TMEM178B: variants seen among roughly 807,000 people sequenced by gnomAD.
The protein encoded by TMEM178B is transmembrane protein 178B.
In TMEM178B, 5 loss-of-function variants were observed where a neutral mutation model predicts 31.0. The ratio of observed to expected loss-of-function variants is 0.16; its 90% CI spans 0.08 to 0.34. The LOEUF (loss-of-function observed/expected upper bound fraction) is 0.34. Among genes scored for constraint, TMEM178B ranks in the 10% least tolerant of loss-of-function variants. The pLI, the probability that TMEM178B is intolerant of heterozygous loss-of-function variation, is 1.00. For missense variants in TMEM178B, 275 were observed against 400.3 expected, an observed-to-expected ratio of 0.69 and a Z score of 2.67; for synonymous variants, 164 against 164.0, an observed-to-expected ratio of 1.00 and a Z score of 0.00.
At position 141,171,213 on chromosome 7, in the gene TMEM178B, G is replaced by A. The variant is rs1236999716; in HGVS notation, c.383-41378G>A. ...CATGCATGTAATTCCAGCACTTTGG[G>A]AGGCTGAGGACAGAGGATCCCTTGC... On this transcript the variant is annotated intron_variant, in intron 1 of 3. Coordinates refer to ENST00000565468, the MANE Select transcript of TMEM178B (RefSeq NM_001195278.2). The surrounding 1 kb of genome is among the most constrained non-coding windows in gnomAD (Gnocchi z 4.3). Among the ~76,000 whole-genome samples, 1 of 152,104 alleles carries A rather than the reference G, an allele frequency of 6.6e-6. No homozygotes were observed. Among genetic ancestry groups the A allele is most frequent in the Non-Finnish European group, 1.5e-5 (1 of 68,014 alleles).
At chr7:141,156,399 G>A (rs1198016446) in intron 1 of TMEM178B, among the ~76,000 whole-genome samples, 1 of 152,218 alleles carries the variant, frequency 6.6e-6, no homozygotes, top group Non-Finnish European at 1.5e-5. Context: ...AAATCTGTGT[G>A]AAGCAGAGAA....
intron 2 of TMEM178B, among the ~76,000 whole-genome samples, chr7:141,324,416 GTTTTTTT>G (rs56316531): frequency 3.0e-4 from 26 of 85,724 alleles, no homozygotes; most frequent in African/African-American, 9.7e-4. Flanking sequence ...GGAGACCAGG[GTTTTTTT>G]TTTTTTTTTT....
At chr7:141,173,451 G>A (rs1384837502) in intron 1 of TMEM178B, among the ~76,000 whole-genome samples, 1 of 152,174 alleles carries the variant, frequency 6.6e-6, no homozygotes, top group Non-Finnish European at 1.5e-5. Context: ...CTGCCTCCAA[G>A]GAAGGCTTCA....
chr7:141,212,914 A>G (rs1035438849), intron 2 of TMEM178B: 87 of 513,232 alleles, frequency 1.7e-4, no homozygotes, highest in Non-Finnish European at 2.8e-4. Context: ...AAAATTAAAG[A>G]AAGAACCAAC....
intron 2 of TMEM178B, among the ~76,000 whole-genome samples, chr7:141,386,174 G>A (rs1237141577): frequency 1.3e-5 from 2 of 152,154 alleles, no homozygotes; most frequent in African/African-American, 2.4e-5. Context: ...TTCTGGGCTC[G>A]GAGTTGTCAT....
intron 2 of TMEM178B, among the ~76,000 whole-genome samples, chr7:141,325,817 C>A (rs991376217): frequency 1.2e-4 from 14 of 118,084 alleles, no homozygotes; most frequent in African/African-American, 5.7e-4. Context: ...TGGAAGACAG[C>A]CCTGGGAAAA....
chr7:141,232,444 T>C (rs1224056964), intron 2 of TMEM178B, among the ~76,000 whole-genome samples: 1 of 152,184 alleles, frequency 6.6e-6, no homozygotes, highest in Non-Finnish European at 1.5e-5. Flanking sequence ...AAAGCATTCC[T>C]TTTTCTCTGC....
At chr7:141,339,635 A>G (rs1799483420) in intron 2 of TMEM178B, among the ~76,000 whole-genome samples, 2 of 152,224 alleles carry the variant, frequency 1.3e-5, no homozygotes, top group Non-Finnish European at 2.9e-5. Context: ...TTCATGAAAG[A>G]AAATGTAAAC....
chr7:141,153,194 AT>A (rs1003470997), intron 1 of TMEM178B, among the ~76,000 whole-genome samples: 15 of 152,064 alleles, frequency 9.9e-5, no homozygotes, highest in Admixed American at 5.9e-4. Flanking sequence ...CCACATGTGT[AT>A]TTTTTTTAAA....
At chr7:141,275,772 A>G (rs557641201) in intron 2 of TMEM178B, among the ~76,000 whole-genome samples, 19 of 152,344 alleles carry the variant, frequency 1.2e-4, no homozygotes, top group African/African-American at 4.6e-4. Context: ...ACTTCTATAC[A>G]TAATTATTTG....
Position 141,215,907 on chromosome 7 carries a change from TC to T in TMEM178B, c.496+3204del, listed in dbSNP as rs1374751392. Among the ~76,000 whole-genome samples the T allele has an allele frequency of 7.4e-5, 11 of 148,508 alleles. No individual in the cohort carries two copies. In the East Asian group the frequency reaches 2.0e-3, roughly 27 times the overall value. On this transcript the variant is annotated intron_variant, in intron 2 of 3. Transcript: ENST00000565468. ...TCCTTCCTTTCCTTCTTTCTTTCTT[TC>T]TTTCTTTTTTTTTTTTTGACAGAGT...
At chr7:141,218,046 G>C (rs780129679) in intron 2 of TMEM178B, among the ~76,000 whole-genome samples, 1 of 151,422 alleles carries the variant, frequency 6.6e-6, no homozygotes, top group African/African-American at 2.4e-5. Context: ...AGTGAGAGAC[G>C]ATTTCCCCTC....
chr7:141,480,531 AATAG>A (rs1802455902), downstream of TMEM178B, among the ~76,000 whole-genome samples: 1 of 152,244 alleles, frequency 6.6e-6, no homozygotes, highest in African/African-American at 2.4e-5. Flanking sequence ...TGCAGAAGAA[AATAG>A]ATAGCAAACA....
intron 1 of TMEM178B, among the ~76,000 whole-genome samples, chr7:141,140,554 C>G (rs1795753240): frequency 1.3e-5 from 2 of 152,130 alleles, no homozygotes; most frequent in Non-Finnish European, 2.9e-5. Flanking sequence ...AGTATTAATG[C>G]AAGTTCATAG....
chr7:141,229,472 A>G (rs1033891576), intron 2 of TMEM178B, among the ~76,000 whole-genome samples: 2 of 152,114 alleles, frequency 1.3e-5, no homozygotes, highest in African/African-American at 4.8e-5. Flanking sequence ...TCCTCATTAC[A>G]TTAATGGTTT....
intron 2 of TMEM178B, among the ~76,000 whole-genome samples, chr7:141,273,146 T>A (rs1394210925): frequency 6.6e-6 from 1 of 152,072 alleles, no homozygotes; most frequent in Non-Finnish European, 1.5e-5. Flanking sequence ...TACTGCATGA[T>A]CTTATGTATA....
intron 1 of TMEM178B, among the ~76,000 whole-genome samples, chr7:141,193,444 A>G (rs1796729690): frequency 6.6e-6 from 1 of 152,240 alleles, no homozygotes; most frequent in Non-Finnish European, 1.5e-5. Flanking sequence ...TTCCAGGGTC[A>G]GGTGACTCCA....
At chr7:141,338,068 A>G (rs900952302) in intron 2 of TMEM178B, among the ~76,000 whole-genome samples, 1 of 152,112 alleles carries the variant, frequency 6.6e-6, no homozygotes, top group African/African-American at 2.4e-5. Flanking sequence ...CGATCTCCTG[A>G]CCTCGTGATG....
In TMEM178B at chr7:141,395,906, G is replaced by A. The variant is rs192819186; in HGVS notation, c.497-41702G>A. Among the ~76,000 whole-genome samples the A allele has an allele frequency of 1.4e-3, 220 of 152,194 alleles. 1 individual carries two copies. The highest frequency in any genetic ancestry group is 0.014 in the Middle Eastern group (4 of 294). ...CCACAAAATGCCATGATTATACAGC[G>A]TTGCTTCATATTCAGGAGGAGAGGG... On this transcript the variant is annotated intron_variant, in intron 2 of 3. Transcript: ENST00000565468.
Sources: gnomAD v4.1 joint callset for allele counts (sites outside exome capture counted in the v4.1 genomes callset) on GRCh38, gnomAD v4.1.1 for gene constraint, Gnocchi (gnomAD v3.1) non-coding constraint, MANE v1.5 for transcripts, NCBI Gene and HGNC (gene_info 2026-07-23, HGNC 2026-07-21) for gene names.